Variants in ATAD2B observed in about 807,000 individuals in gnomAD.
The protein encoded by ATAD2B is ATPase family AAA domain containing 2B.
ATAD2B carries 40 observed loss-of-function variants against 167.6 expected under a neutral mutation model. The observed-to-expected ratio is 0.24, with a 90% CI of 0.19 to 0.31. ATAD2B has a LOEUF of 0.31. Among genes scored for constraint, ATAD2B ranks in the 10% least tolerant of loss-of-function variants. The pLI is 1.00. For missense variants in ATAD2B, 1,242 were observed against 1,757.2 expected (o/e 0.71, Z 5.24); for synonymous variants, 579 against 596.5 (o/e 0.97, Z 0.43).
chr2:23,684,372 G>T, the ATAD2B span: 12 of 1,396,332 alleles, frequency 8.6e-6, no homozygotes, highest in Non-Finnish European at 1.1e-5. The surrounding 1 kb of genome is among the most constrained non-coding windows in gnomAD (Gnocchi z 4.4). Flanking sequence ...TGGGAACCTG[G>T]CCCTGTCTGT....
chr2:23,922,969 A>G (rs1270847854), intron 1 of ATAD2B, among the ~76,000 whole-genome samples: 1 of 152,226 alleles, frequency 6.6e-6, no homozygotes, highest in Non-Finnish European at 1.5e-5. Context: ...AAAATTAAAA[A>G]TAGAACTACC....
chr2:23,878,333 C>T (rs564077668), intron 7 of ATAD2B, among the ~76,000 whole-genome samples: 2 of 151,866 alleles, frequency 1.3e-5, no homozygotes, highest in East Asian at 3.9e-4. Context: ...TGCATTCCAG[C>T]CTGGGCAACA....
intron 10 of ATAD2B, among the ~76,000 whole-genome samples, chr2:23,866,301 AG>A (rs1695116580): frequency 6.6e-6 from 1 of 152,218 alleles, no homozygotes; most frequent in African/African-American, 2.4e-5. Context: ...GCTACTCGGG[AG>A]GCTGAGGCAG....
intron 7 of ATAD2B, among the ~76,000 whole-genome samples, chr2:23,879,056 A>G (rs906219758): frequency 6.6e-6 from 1 of 152,250 alleles, no homozygotes; most frequent in Non-Finnish European, 1.5e-5. Flanking sequence ...ATACACTCTT[A>G]GTGAAAATGG....
Position 23,749,544 on chromosome 2 carries a change from C to A in ATAD2B, c.*2502G>T, listed in dbSNP as rs901085751. 1.3e-5 allele frequency: 2 copies of A among 151,996 alleles called. No homozygotes were observed. Among genetic ancestry groups the A allele is most frequent in the Non-Finnish European group, 2.9e-5 (2 of 67,982 alleles). 9.4% of individuals were successfully genotyped at this position (151,996 alleles called of 1,614,324 possible). A position where few individuals can be genotyped will look rare whatever the true frequency, so the allele number is the denominator to read the frequency against. ...CCAGATATCTGTAAAATAAGCAAAA[C>A]TGGTAAGTGTGTTTTTTTAATTGAG... On this transcript the variant is annotated 3_prime_UTR_variant, in exon 28 of 28. Coordinates refer to ENST00000238789, the MANE Select transcript of ATAD2B (RefSeq NM_017552.4).
chr2:23,812,217 A>T (rs1310530517), intron 17 of ATAD2B, among the ~76,000 whole-genome samples: 1 of 152,062 alleles, frequency 6.6e-6, no homozygotes, highest in Non-Finnish European at 1.5e-5. Flanking sequence ...CTACCAGCAA[A>T]GTAACAAGAC....
chr2:23,906,147 G>A (rs1294012528), intron 1 of ATAD2B, among the ~76,000 whole-genome samples: 5 of 151,916 alleles, frequency 3.3e-5, no homozygotes, highest in South Asian at 2.1e-4. Flanking sequence ...GACTAGCCTC[G>A]CCAACATGGT....
Position 23,925,512 on chromosome 2 carries a change from A to AT in ATAD2B, c.216+1042dup, listed in dbSNP as rs573900216. Among the ~76,000 whole-genome samples the AT allele has an allele frequency of 1.3e-4, 20 of 152,360 alleles. No homozygotes were observed. The South Asian group carries it at 4.1e-3, about 32-fold the overall frequency. On this transcript the variant is annotated intron_variant, in intron 1 of 27. Transcript: ENST00000238789. ...CAAAATGGTGTGGAATTAAAGGAGCATTTTAAATGAACAGCTTTTTCCAGC... is the reference window on the plus strand; with the variant it reads ...CAAAATGGTGTGGAATTAAAGGAGCATTTTTAAATGAACAGCTTTTTCCAGC...
At chr2:23,915,298 T>A (rs890649667) in intron 1 of ATAD2B, among the ~76,000 whole-genome samples, 1 of 151,658 alleles carries the variant, frequency 6.6e-6, no homozygotes, top group African/African-American at 2.4e-5. Context: ...AAATAGAGGG[T>A]TGAGGGCATT....
chr2:23,847,822 T>TA lies in ATAD2B; in HGVS notation c.1568+9592dup, dbSNP rs563477963. Among the ~76,000 whole-genome samples, 332 of 137,384 alleles carry TA rather than the reference T, an allele frequency of 2.4e-3. 1 individual carries two copies. Among genetic ancestry groups the TA allele is most frequent in the African/African-American group, 5.8e-3 (217 of 37,450 alleles). 90.1% of individuals were successfully genotyped at this position (137,384 alleles called of 152,430 possible). On this transcript the variant is annotated intron_variant, in intron 13 of 27. Transcript: ENST00000238789. Reference sequence around the variant, plus strand: ...TAATATGGTAAAACCCCATCTCTACTAAAAAAAAAAAAATACAAAAATTAG... The same window carrying TA: ...TAATATGGTAAAACCCCATCTCTACTAAAAAAAAAAAAAATACAAAAATTAG...
intron 13 of ATAD2B, among the ~76,000 whole-genome samples, chr2:23,838,510 T>C (rs1315905508): frequency 1.3e-5 from 2 of 152,320 alleles, no homozygotes; most frequent in African/African-American, 2.4e-5. Flanking sequence ...ACTCCTATTA[T>C]GTAGGGAAAT....
At chr2:23,723,318 A>T in the ATAD2B span, among the ~76,000 whole-genome samples, 2 of 146,002 alleles carry the variant, frequency 1.4e-5, no homozygotes, top group Non-Finnish European at 3.0e-5. Flanking sequence ...GCAACAACAA[A>T]CAAGAGAGAA....
At chr2:23,874,012 C>G (rs1313460757) in intron 8 of ATAD2B, among the ~76,000 whole-genome samples, 1 of 151,642 alleles carries the variant, frequency 6.6e-6, no homozygotes, top group Non-Finnish European at 1.5e-5. Flanking sequence ...CATGGTGAAA[C>G]CCAGTATCTA....
At chr2:23,773,792 G>A (rs1678697314) in intron 22 of ATAD2B, among the ~76,000 whole-genome samples, 1 of 152,086 alleles carries the variant, frequency 6.6e-6, no homozygotes, top group Non-Finnish European at 1.5e-5. Context: ...ATTCAGTTGT[G>A]CCATATAACA....
intron 24 of ATAD2B, 89 bp downstream of exon 24, chr2:23,762,120 G>T: frequency 7.3e-7 from 1 of 1,363,542 alleles, no homozygotes; most frequent in Non-Finnish European, 1.0e-6. Context: ...TGGGAAAAGA[G>T]CGGCACTTTG....
At chr2:23,800,252 C>T (rs1398666204) in intron 18 of ATAD2B, among the ~76,000 whole-genome samples, 1 of 152,258 alleles carries the variant, frequency 6.6e-6, no homozygotes, top group East Asian at 1.9e-4. Context: ...CTATAGGTTA[C>T]TAAGAAACCT....
intron 22 of ATAD2B, among the ~76,000 whole-genome samples, chr2:23,780,598 C>A (rs1275571378): frequency 2.6e-5 from 4 of 151,974 alleles, no homozygotes; most frequent in African/African-American, 2.4e-5. Flanking sequence ...CCTCAAAATA[C>A]AGATACAAAA....
intron 24 of ATAD2B, 99 bp from the exon 25 acceptor site, chr2:23,758,200 G>T: frequency 4.0e-6 from 4 of 997,308 alleles, no homozygotes; most frequent in Non-Finnish European, 1.4e-6. Context: ...GTAAACCCAT[G>T]CTGATGTAAC....
At chr2:23,689,719 C>T in the ATAD2B span, 808 of 152,448 alleles carry the variant, frequency 5.3e-3, 4 homozygotes, top group Admixed American at 7.5e-3. Flanking sequence ...GGCTGGACAG[C>T]GGCTTGTAGG....
Sources: allele counts gnomAD v4.1 joint callset (sites outside exome capture counted in the v4.1 genomes callset), GRCh38; gene constraint gnomAD v4.1.1; non-coding constraint Gnocchi (gnomAD v3.1); transcripts MANE v1.5; gene names NCBI Gene and HGNC (gene_info 2026-07-23, HGNC 2026-07-21).